The following NTRK3 variants were observed in gnomAD, a reference collection of about 807,000 sequenced individuals.
NTRK3 encodes NT-3 growth factor receptor.
Under a neutral mutation model 91.7 loss-of-function variants are expected in NTRK3, and 24 were observed. That is an observed-to-expected ratio of 0.26 (90% CI 0.19 to 0.37). NTRK3 has a LOEUF of 0.37. NTRK3 is among the 10% of genes least tolerant of loss of function. The pLI is 1.00. For synonymous variants in NTRK3, 483 were observed against 404.0 expected, an observed-to-expected ratio of 1.20 and a Z score of -2.34; for missense variants, 880 against 1,068.9, an observed-to-expected ratio of 0.82 and a Z score of 2.46.
intron 15 of NTRK3, among the ~76,000 whole-genome samples, chr15:87,939,997 T>C (rs1381900948): frequency 1.3e-5 from 2 of 152,174 alleles, no homozygotes; most frequent in East Asian, 3.9e-4. Context: ...AGCCCTGTGG[T>C]TAAGGGAGCC....
At chr15:87,992,547 T>C (rs2141510183) in intron 14 of NTRK3, among the ~76,000 whole-genome samples, 1 of 152,358 alleles carries the variant, frequency 6.6e-6, no homozygotes, top group East Asian at 1.9e-4. Context: ...TTTCATTTCT[T>C]AATAAGACTA....
chr15:88,049,347 G>A (rs960229923), intron 13 of NTRK3, among the ~76,000 whole-genome samples: 1 of 152,118 alleles, frequency 6.6e-6, no homozygotes, highest in African/African-American at 2.4e-5. Context: ...ATTTAAGCAG[G>A]TTTGCTTTAT....
At position 88,155,805 on chromosome 15, in the gene NTRK3, C is replaced by CATCTATCTATCT. The variant is rs71146401; in HGVS notation, c.396-8414_396-8403dup. 4.2e-3 allele frequency among the ~76,000 whole-genome samples: 640 copies of CATCTATCTATCT among 150,672 alleles called. 1 individual carries two copies. The highest frequency in any genetic ancestry group is 4.9e-3 in the African/African-American group (199 of 40,944). On this transcript the variant is annotated intron_variant, in intron 5 of 18. Coordinates refer to ENST00000394480, the Ensembl canonical transcript of NTRK3. The stretch of plus-strand genomic sequence containing the variant: ...AACATCAATTCAACTTGTAATCTAT[C>CATCTATCTATCT]ATCTATCTATCTATCTATCTATCTA...
chr15:88,122,128 T>C (rs2052775877), intron 13 of NTRK3, among the ~76,000 whole-genome samples: 3 of 152,232 alleles, frequency 2.0e-5, no homozygotes. Context: ...AGTATAAGCA[T>C]GAATATAAAT....
rs542411865 is a variant in NTRK3 at position 88,033,703 on chromosome 15, G to C, written c.1397-658C>G. On this transcript the variant is annotated intron_variant, in intron 13 of 18. Transcript: ENST00000394480. ...AGAACCACCCTAAATTCTCTTTCTT[G>C]AGAATTACTCACCTATCAAACCATG... is the stretch of plus-strand genomic sequence containing the variant. 8.0e-4 allele frequency among the ~76,000 whole-genome samples: 122 copies of C among 152,128 alleles called. 1 individual carries two copies. The highest frequency in any genetic ancestry group is 1.4e-3 in the Non-Finnish European group (98 of 68,018).
chr15:87,883,986 A>AG (rs2065394401), intron 17 of NTRK3, among the ~76,000 whole-genome samples: 1 of 101,058 alleles, frequency 9.9e-6, no homozygotes, highest in East Asian at 2.9e-4. Context: ...GGATTCAGCA[A>AG]GAAAAAAAAA....
At chr15:88,256,535 A>G in intron 1 of NTRK3, 49 bp from the exon 2 acceptor site, 1 of 513,948 alleles carries the variant, frequency 1.9e-6, no homozygotes, top group Non-Finnish European at 3.4e-6. Flanking sequence ...AAAAAAGGAA[A>G]AGGAAAAAAT....
intron 14 of NTRK3, among the ~76,000 whole-genome samples, chr15:87,973,682 G>C (rs903695733): frequency 1.3e-5 from 2 of 152,070 alleles, no homozygotes; most frequent in Non-Finnish European, 2.9e-5. Flanking sequence ...AGAGGAGGAG[G>C]AGAGCTCCAG....
At chr15:87,935,681 C>CA (rs1353050052) in intron 15 of NTRK3, among the ~76,000 whole-genome samples, 5 of 152,138 alleles carry the variant, frequency 3.3e-5, no homozygotes, top group Admixed American at 2.0e-4. Flanking sequence ...AATTTGGGGC[C>CA]AGCCAAATGG....
chr15:87,915,608 T>C (rs958157340), intron 17 of NTRK3, among the ~76,000 whole-genome samples: 1 of 152,184 alleles, frequency 6.6e-6, no homozygotes, highest in African/African-American at 2.4e-5. Context: ...CCCTAAATTC[T>C]CTTGAGTAGG....
chr15:88,042,762 C>A (rs1242721105), intron 13 of NTRK3, among the ~76,000 whole-genome samples: 1 of 152,196 alleles, frequency 6.6e-6, no homozygotes, highest in Non-Finnish European at 1.5e-5. Flanking sequence ...ATCATCACCA[C>A]AACCCTGGGG....
intron 14 of NTRK3, among the ~76,000 whole-genome samples, chr15:88,002,711 G>T (rs1446284688): frequency 6.8e-6 from 1 of 147,818 alleles, no homozygotes; most frequent in Non-Finnish European, 1.5e-5. Flanking sequence ...AAAAAACCTT[G>T]CTAGAAGCCC....
At chr15:88,200,718 C>A (rs1051194953) in intron 3 of NTRK3, among the ~76,000 whole-genome samples, 11 of 152,206 alleles carry the variant, frequency 7.2e-5, no homozygotes, top group African/African-American at 2.4e-4. Context: ...TCAATTAAAC[C>A]TCTTTCCTTT....
intron 14 of NTRK3, among the ~76,000 whole-genome samples, chr15:87,983,769 G>A (rs989255065): frequency 1.3e-5 from 2 of 152,184 alleles, no homozygotes; most frequent in African/African-American, 4.8e-5. Flanking sequence ...TGGAGGTCAA[G>A]ATAGTGATGG....
At chr15:87,886,529 A>T (rs1298662726) in intron 17 of NTRK3, among the ~76,000 whole-genome samples, 1 of 151,032 alleles carries the variant, frequency 6.6e-6, no homozygotes, top group African/African-American at 2.5e-5. Flanking sequence ...TTATTCATGT[A>T]AAAATGTATA....
At position 88,001,840 on chromosome 15, in the gene NTRK3, G is replaced by A. The variant is rs571803872; in HGVS notation, c.1585+31017C>T. 2.6e-5 allele frequency among the ~76,000 whole-genome samples: 4 copies of A among 152,136 alleles called. No homozygotes were observed. The South Asian group carries it at 8.3e-4, about 32-fold the overall frequency. ...TTGAATCTTCTGGATTTTCCTATAG[G>A]TTTTAGGATCAGCATGTCAATTTCT... On this transcript the variant is annotated intron_variant, in intron 14 of 18. Transcript: ENST00000394480.
intron 16 of NTRK3, among the ~76,000 whole-genome samples, chr15:87,929,833 C>T (rs1313345482): frequency 6.6e-6 from 1 of 152,134 alleles, no homozygotes; most frequent in Non-Finnish European, 1.5e-5. Flanking sequence ...ATTTTCCCAC[C>T]CCAATTTTGA....
At chr15:88,091,430 T>C (rs1278648153) in intron 13 of NTRK3, among the ~76,000 whole-genome samples, 2 of 152,248 alleles carry the variant, frequency 1.3e-5, no homozygotes, top group Non-Finnish European at 2.9e-5. Context: ...CCTTCACTTA[T>C]CGTTTCCTCT....
chr15:87,966,496 T>C (rs964274852), intron 14 of NTRK3, among the ~76,000 whole-genome samples: 1 of 152,152 alleles, frequency 6.6e-6, no homozygotes, highest in Non-Finnish European at 1.5e-5. Context: ...GGGTCTCGCG[T>C]ACATATGTGT....
Sources: gnomAD v4.1 joint callset for allele counts (sites outside exome capture counted in the v4.1 genomes callset) on GRCh38, gnomAD v4.1.1 for gene constraint, MANE v1.5 for transcripts, NCBI Gene and HGNC (gene_info 2026-07-23, HGNC 2026-07-21) for gene names.